Variants in HADHB observed in about 807,000 individuals in gnomAD.
HADHB encodes trifunctional enzyme subunit beta, mitochondrial.
In HADHB, 50 loss-of-function variants were observed where a neutral mutation model predicts 61.9. That is an observed-to-expected ratio of 0.81 (90% CI 0.64 to 1.02). The LOEUF (loss-of-function observed/expected upper bound fraction) is 1.02, where lower values mean the gene tolerates loss of function less well. Among genes scored for constraint, HADHB ranks in the 50% least tolerant of loss-of-function variants. The pLI, the probability that HADHB is intolerant of heterozygous loss-of-function variation, is 0.00. For synonymous variants in HADHB, 191 were observed against 201.6 expected, an observed-to-expected ratio of 0.95 and a Z score of 0.45; for missense variants, 504 against 586.5, an observed-to-expected ratio of 0.86 and a Z score of 1.45.
At chr2:26,259,088 G>A (rs755906789) in intron 3 of HADHB, among the ~76,000 whole-genome samples, 1 of 152,142 alleles carries the variant, frequency 6.6e-6, no homozygotes, top group African/African-American at 2.4e-5. Context: ...AAATCCCCTC[G>A]AACTTGGAAA....
intron 3 of HADHB, among the ~76,000 whole-genome samples, chr2:26,257,692 C>T (rs1671687597): frequency 6.6e-6 from 1 of 152,074 alleles, no homozygotes; most frequent in Admixed American, 6.6e-5. Flanking sequence ...TTACTGGGAC[C>T]TGTTGCCCTT....
At chr2:26,256,766 A>G (rs1054702681) in intron 3 of HADHB, among the ~76,000 whole-genome samples, 8 of 152,174 alleles carry the variant, frequency 5.3e-5, no homozygotes, top group Non-Finnish European at 1.2e-4. Flanking sequence ...TTAGCTCTCA[A>G]TTCAGATTCT....
chr2:26,278,736 G>T lies in HADHB; in HGVS notation c.565G>T (p.Ala189Ser). Residue 189 changes from alanine to serine, a missense_variant, in exon 8 of 16, where the codon GCC becomes TCC. Transcript: ENST00000317799. ...AAAACTGATGCTTGATCTCAATAAGGCCAAATCTATGGGCCAGCGACTGTC... is the reference window on the plus strand; with the variant it reads ...AAAACTGATGCTTGATCTCAATAAGTCCAAATCTATGGGCCAGCGACTGTC... Reference protein sequence around the residue: ...MRKLMLDLNKAKSMGQRLSLI... With the variant: ...MRKLMLDLNKSKSMGQRLSLI... 6.2e-7 allele frequency: 1 copy of T among 1,614,052 alleles called. No homozygotes were observed. Among genetic ancestry groups the T allele is most frequent in the African/African-American group, 1.3e-5 (1 of 75,018 alleles).
chr2:26,280,852 T>C (rs1672757652), intron 10 of HADHB, among the ~76,000 whole-genome samples: 1 of 29,452 alleles, frequency 3.4e-5, no homozygotes, highest in African/African-American at 1.5e-4. Context: ...AACTCCCATC[T>C]CAAAAAAAAA....
At chr2:26,265,987 G>A (rs970522402) in intron 4 of HADHB, among the ~76,000 whole-genome samples, 1 of 152,026 alleles carries the variant, frequency 6.6e-6, no homozygotes, top group Non-Finnish European at 1.5e-5. Flanking sequence ...GATCATTCAA[G>A]GCCAGGAGTT....
intron 6 of HADHB, among the ~76,000 whole-genome samples, chr2:26,276,836 C>A (rs182747254): frequency 3.9e-5 from 6 of 152,270 alleles, no homozygotes; most frequent in Admixed American, 1.3e-4. Flanking sequence ...AGTATCATAG[C>A]CTCGTGTCTG....
chr2:26,277,121 A>C lies in HADHB; in HGVS notation c.403A>C (p.Thr135Pro), dbSNP rs201357823. 6.2e-7 allele frequency: 1 copy of C among 1,606,582 alleles called. No individual in the cohort carries two copies. Among genetic ancestry groups the C allele is most frequent in the African/African-American group, 1.3e-5 (1 of 74,834 alleles). The change falls in exon 7 of 16, where the codon ACC (threonine) becomes CCC (proline). Residue 135 changes from threonine to proline, a missense_variant. Transcript: ENST00000317799. ...FSDKTPAHTVTMACISANQAM... is the reference protein window; with the variant it reads ...FSDKTPAHTVPMACISANQAM... ...TGACAAGACTCCTGCTCACACTGTC[A>C]CCATGGCTTGTATCTCTGCCAACCA...
At chr2:26,278,938 A>G in intron 8 of HADHB, 137 bp downstream of exon 8, 1 of 980,492 alleles carries the variant, frequency 1.0e-6, no homozygotes, top group Non-Finnish European at 1.6e-6. Flanking sequence ...GATGGAAAAA[A>G]AAGATAGTGG....
intron 6 of HADHB, among the ~76,000 whole-genome samples, chr2:26,274,127 A>G (rs181707310): frequency 1.3e-5 from 2 of 152,388 alleles, no homozygotes; most frequent in Admixed American, 6.5e-5. Flanking sequence ...AACTAATTTC[A>G]TAACTTGACT....
chr2:26,285,483 G>T lies in HADHB; in HGVS notation c.1301G>T (p.Gly434Val), dbSNP rs752485728. ...LSLGHPFGATGCRLVMAAANR... is the reference protein window; with the variant it reads ...LSLGHPFGATVCRLVMAAANR... ...CTGGGACACCCATTTGGAGCCACTGGCTGCAGGTTGGTCATGGCTGCTGCC... is the reference window on the plus strand; with the variant it reads ...CTGGGACACCCATTTGGAGCCACTGTCTGCAGGTTGGTCATGGCTGCTGCC... The change falls in exon 15 of 16, where the codon GGC (glycine) becomes GTC (valine). Residue 434 changes from glycine (G) to valine (V), a missense_variant. Gly to Val is a moderately radical substitution (Grantham distance 109). Coordinates refer to ENST00000317799, the MANE Select transcript of HADHB (RefSeq NM_000183.3). The T allele has an allele frequency of 4.3e-6, 7 of 1,613,812 alleles. No homozygotes were observed. In the South Asian group the frequency reaches 7.7e-5, roughly 18 times the overall value.
At chr2:26,258,746 C>T (rs1235805973) in intron 3 of HADHB, among the ~76,000 whole-genome samples, 1 of 152,170 alleles carries the variant, frequency 6.6e-6, no homozygotes, top group Non-Finnish European at 1.5e-5. Context: ...GGGGGTTGCC[C>T]CTCCTTGCTC....
In HADHB at chr2:26,280,079, C is replaced by G. The variant is rs768056398; in HGVS notation, c.897C>G (p.Pro299=). 15 of 1,612,492 alleles carry G rather than the reference C, an allele frequency of 9.3e-6. No individual in the cohort carries two copies. Among genetic ancestry groups the G allele is most frequent in the Non-Finnish European group, 1.3e-5 (15 of 1,178,710 alleles). The change falls in exon 10 of 16, where the codon CCC becomes CCG. Residue 299 remains proline (P), a synonymous_variant. Transcript: ENST00000317799. ...MAKLKPAFIK[P]YGTVTAANSS... The stretch of plus-strand genomic sequence containing the variant: ...AACTAAAACCTGCATTCATCAAGCC[C>G]TACGGCACAGTGACAGCTGCAAATT...
chr2:26,246,473 GGGAT>G (rs1438393742), intron 1 of HADHB, among the ~76,000 whole-genome samples: 2 of 151,680 alleles, frequency 1.3e-5, no homozygotes, highest in Non-Finnish European at 2.9e-5. Context: ...CCGAGTAGCT[GGGAT>G]TACAAGCGCA....
chr2:26,266,896 G>GAAAAAAAAAA (rs1672109530), intron 4 of HADHB, among the ~76,000 whole-genome samples: 1 of 56,096 alleles, frequency 1.8e-5, no homozygotes, highest in African/African-American at 6.4e-5. Context: ...AAAAAAAAAG[G>GAAAAAAAAAA]ATTGTAAATG....
chr2:26,266,904 A>C (rs1672110052), intron 4 of HADHB, among the ~76,000 whole-genome samples: 1 of 149,748 alleles, frequency 6.7e-6, no homozygotes, highest in African/African-American at 2.5e-5. Flanking sequence ...AGGATTGTAA[A>C]TGATAAATAA....
intron 15 of HADHB, 56 bp downstream of exon 15, chr2:26,285,627 A>G (rs1672993765): frequency 2.9e-6 from 4 of 1,373,582 alleles, no homozygotes; most frequent in East Asian, 5.1e-5. Flanking sequence ...TGGAATGACT[A>G]GAATGTATGA....
intron 5 of HADHB, among the ~76,000 whole-genome samples, chr2:26,273,116 G>C (rs1051408262): frequency 6.6e-6 from 1 of 152,016 alleles, no homozygotes; most frequent in African/African-American, 2.4e-5. Flanking sequence ...CCAAGTCTGG[G>C]TTCAGGGAGT....
chr2:26,270,506 T>TG (rs1672292433), intron 5 of HADHB, among the ~76,000 whole-genome samples: 1 of 152,234 alleles, frequency 6.6e-6, no homozygotes, highest in Admixed American at 6.5e-5. Flanking sequence ...AGTTCTTTCT[T>TG]AGTTTGGAGA....
At chr2:26,288,291 TAAA>T (rs1473584485) in intron 15 of HADHB, among the ~76,000 whole-genome samples, 2 of 151,634 alleles carry the variant, frequency 1.3e-5, no homozygotes, top group African/African-American at 4.8e-5. Context: ...TTAAAATAAA[TAAA>T]AAATAAAATA....
Sources: gnomAD v4.1 joint callset for allele counts (sites outside exome capture counted in the v4.1 genomes callset) on GRCh38, gnomAD v4.1.1 for gene constraint, MANE v1.5 for transcripts, NCBI Gene and HGNC (gene_info 2026-07-23, HGNC 2026-07-21) for gene names.